PCDHGB1: variants seen among roughly 807,000 people sequenced by gnomAD.
PCDHGB1 encodes protocadherin gamma-B1.
Under a neutral mutation model 56.6 loss-of-function variants are expected in PCDHGB1, and 34 were observed. The observed-to-expected ratio is 0.60, with a 90% confidence interval of 0.46 to 0.80. The LOEUF (loss-of-function observed/expected upper bound fraction) is 0.80. Ranked by LOEUF, PCDHGB1 falls within the 30% of genes least tolerant of loss-of-function variation. The pLI, the probability that PCDHGB1 is intolerant of heterozygous loss-of-function variation, is 0.00. For missense variants in PCDHGB1, 1,278 were observed against 1,204.6 expected, an observed-to-expected ratio of 1.06 and a Z score of -0.90; for synonymous variants, 561 against 505.9, an observed-to-expected ratio of 1.11 and a Z score of -1.46.
intron 1 of PCDHGB1, chr5:141,386,063 G>A (rs2090447648): frequency 6.6e-6 from 1 of 152,220 alleles, no homozygotes; most frequent in South Asian, 2.1e-4. Flanking sequence ...GAGAATTCCA[G>A]TATGTTGTTT....
intron 1 of PCDHGB1, among the ~76,000 whole-genome samples, chr5:141,460,003 A>AG (rs1177398494): frequency 6.6e-6 from 1 of 152,186 alleles, no homozygotes; most frequent in African/African-American, 2.4e-5. Context: ...GCTTGAACCC[A>AG]GGAGGCGGAG....
At chr5:141,366,448 C>T (rs758717804) in intron 1 of PCDHGB1, 3 of 1,614,124 alleles carry the variant, frequency 1.9e-6, no homozygotes, top group South Asian at 1.1e-5. Flanking sequence ...TCTTCCTGGC[C>T]TTCGTCATCG....
intron 1 of PCDHGB1, chr5:141,361,534 C>T (rs1251295002): frequency 2.5e-6 from 4 of 1,614,058 alleles, no homozygotes; most frequent in Non-Finnish European, 2.5e-6. Flanking sequence ...GAACAATCCT[C>T]CTGGCGCCTC....
At chr5:141,355,604 CAG>C in intron 1 of PCDHGB1, 1 of 1,613,936 alleles carries the variant, frequency 6.2e-7, no homozygotes, top group Non-Finnish European at 8.5e-7. Flanking sequence ...AGTTTTGGGA[CAG>C]AACAGAGGGA....
intron 1 of PCDHGB1, among the ~76,000 whole-genome samples, chr5:141,474,136 G>A (rs1383142266): frequency 1.3e-5 from 2 of 152,056 alleles, no homozygotes; most frequent in East Asian, 3.8e-4. Context: ...AAAACTACAG[G>A]CCTTATTATC....
chr5:141,413,686 C>T, intron 1 of PCDHGB1: 4 of 1,613,812 alleles, frequency 2.5e-6, no homozygotes, highest in Non-Finnish European at 3.4e-6. Context: ...CGTGAACTCC[C>T]TGCAGAGCTA....
At chr5:141,357,524 A>G (rs1760641249) in intron 1 of PCDHGB1, 1 of 1,614,218 alleles carries the variant, frequency 6.2e-7, no homozygotes, top group Non-Finnish European at 8.5e-7. Context: ...CAACCCAGCT[A>G]TGCAGACACG....
At chr5:141,404,443 A>G in intron 1 of PCDHGB1, 1 of 1,613,468 alleles carries the variant, frequency 6.2e-7, no homozygotes, top group East Asian at 2.2e-5. Flanking sequence ...ATACCATCCA[A>G]GGGTCTCCTC....
chr5:141,385,424 C>CT, intron 1 of PCDHGB1: 1 of 1,461,926 alleles, frequency 6.8e-7, no homozygotes, highest in Admixed American at 2.8e-5. Flanking sequence ...ATTTAAAAAA[C>CT]TTTATAGAGG....
At chr5:141,409,872 A>T in intron 1 of PCDHGB1, 1 of 1,612,828 alleles carries the variant, frequency 6.2e-7, no homozygotes. Context: ...GACCGCAATG[A>T]CAACGCACCG....
In PCDHGB1 at chr5:141,485,735, G is replaced by A; in HGVS notation, c.2410-9072G>A. 6.2e-7 allele frequency: 1 copy of A among 1,614,166 alleles called. No homozygotes were observed. The highest frequency in any genetic ancestry group is 8.5e-7 in the Non-Finnish European group (1 of 1,180,036). On this transcript the variant is annotated intron_variant, in intron 1 of 3. Coordinates refer to ENST00000523390, the MANE Select transcript of PCDHGB1 (RefSeq NM_018922.3). The surrounding 1 kb of genome is among the most constrained non-coding windows in gnomAD (Gnocchi z 5.7). Reference sequence around the variant, plus strand: ...ACTGGATGTGAAGAAGCGCAGCGACGGCAGCCTGGTCCCAGAGCTGCTCCT... The same window carrying A: ...ACTGGATGTGAAGAAGCGCAGCGACAGCAGCCTGGTCCCAGAGCTGCTCCT...
chr5:141,428,145 A>G (rs748256830), intron 1 of PCDHGB1: 10 of 1,592,574 alleles, frequency 6.3e-6, no homozygotes, highest in African/African-American at 1.3e-5. Context: ...GGGGCTGCAC[A>G]CGGGAACCTG....
intron 3 of PCDHGB1, among the ~76,000 whole-genome samples, chr5:141,505,995 C>T (rs1041284805): frequency 5.3e-5 from 8 of 152,142 alleles, no homozygotes; most frequent in African/African-American, 1.4e-4. Flanking sequence ...CCTCTTTATG[C>T]GAGGCTCCTC....
At position 141,489,800 on chromosome 5, in the gene PCDHGB1, A is replaced by T. The variant is rs2099692478; in HGVS notation, c.2410-5007A>T. 1 of 1,614,166 alleles carries T rather than the reference A, an allele frequency of 6.2e-7. No homozygotes were observed. Among genetic ancestry groups the T allele is most frequent in the Non-Finnish European group, 8.5e-7 (1 of 1,179,994 alleles). On this transcript the variant is annotated intron_variant, in intron 1 of 3. Coordinates refer to ENST00000523390, the MANE Select transcript of PCDHGB1 (RefSeq NM_018922.3). This position sits in a 1 kb window ranked among gnomAD's most constrained non-coding sequence, Gnocchi z 4.5. ...TCTCTGAATGTGAAGACCCTAAAAG[A>T]TGGGAAGCCATTCCCAGAGCTGGTG...
At chr5:141,389,061 T>C in intron 1 of PCDHGB1, 1 of 1,614,022 alleles carries the variant, frequency 6.2e-7, no homozygotes, top group Non-Finnish European at 8.5e-7. Context: ...ATTTAAAATA[T>C]TAACTTCTTC....
chr5:141,443,788 A>C (rs1468852602), intron 1 of PCDHGB1, among the ~76,000 whole-genome samples: 2 of 152,224 alleles, frequency 1.3e-5, no homozygotes, highest in African/African-American at 4.8e-5. Context: ...AGACAAAAAA[A>C]ATGAAAAGGA....
chr5:141,500,618 C>T (rs554274946), intron 2 of PCDHGB1, among the ~76,000 whole-genome samples: 1 of 152,262 alleles, frequency 6.6e-6, no homozygotes, highest in South Asian at 2.1e-4. Flanking sequence ...CCCAGTCATA[C>T]GGTACATTTC....
chr5:141,408,332 G>A, intron 1 of PCDHGB1: 1 of 1,613,912 alleles, frequency 6.2e-7, no homozygotes, highest in South Asian at 1.1e-5. Context: ...GCTGGCCAAG[G>A]GCTCGGTGGT....
At chr5:141,422,501 CCA>C in intron 1 of PCDHGB1, 1 of 1,613,928 alleles carries the variant, frequency 6.2e-7, no homozygotes, top group African/African-American at 1.3e-5. Flanking sequence ...ACGTTGACAG[CCA>C]CAGACCAGGG....
Sources: gnomAD v4.1 joint callset for allele counts (sites outside exome capture counted in the v4.1 genomes callset) on GRCh38, gnomAD v4.1.1 for gene constraint, Gnocchi (gnomAD v3.1) non-coding constraint, MANE v1.5 for transcripts, NCBI Gene and HGNC (gene_info 2026-07-23, HGNC 2026-07-21) for gene names.